The following SUPT3H variants were observed in gnomAD, a reference collection of about 807,000 sequenced individuals.
SUPT3H encodes SPT3 homolog, SAGA and STAGA complex component.
Under a neutral mutation model 44.3 loss-of-function variants are expected in SUPT3H, and 44 were observed. The ratio of observed to expected loss-of-function variants is 0.99; its 90% CI spans 0.78 to 1.28. The LOEUF (loss-of-function observed/expected upper bound fraction) is 1.28, where lower values mean the gene tolerates loss of function less well. SUPT3H is among the 50% of genes most tolerant of loss of function. SUPT3H has a pLI of 0.00. For missense variants in SUPT3H, 380 were observed against 387.1 expected, an observed-to-expected ratio of 0.98 and a Z score of 0.15; for synonymous variants, 124 against 125.6, an observed-to-expected ratio of 0.99 and a Z score of 0.09.
intron 11 of SUPT3H, among the ~76,000 whole-genome samples, chr6:44,814,969 G>T (rs1047647152): frequency 6.6e-6 from 1 of 151,928 alleles, no homozygotes; most frequent in South Asian, 2.1e-4. Context: ...GAGCCACCAC[G>T]CCCGGCCTCA....
At position 45,314,094 on chromosome 6, in the gene SUPT3H, C is replaced by G. The variant is rs550070199; in HGVS notation, c.101+51107G>C. Among the ~76,000 whole-genome samples, 80 of 152,182 alleles carry G rather than the reference C, an allele frequency of 5.3e-4. 1 individual carries two copies. In the South Asian group the frequency reaches 0.015, roughly 29 times the overall value. ...AAAGCATTCGACAAAATCCAGCATC[C>G]CTTTATGATCAAAACCCTCAGCAAA... On this transcript the variant is annotated intron_variant, in intron 2 of 10. Transcript: ENST00000371459.
intron 2 of SUPT3H, among the ~76,000 whole-genome samples, chr6:45,336,254 G>A (rs1788530463): frequency 6.6e-6 from 1 of 151,408 alleles, no homozygotes; most frequent in African/African-American, 2.4e-5. Flanking sequence ...TAAGGACAAT[G>A]AGTACTGTCA....
chr6:44,919,203 C>T (rs1450761361), intron 10 of SUPT3H, among the ~76,000 whole-genome samples: 1 of 152,122 alleles, frequency 6.6e-6, no homozygotes, highest in Non-Finnish European at 1.5e-5. Context: ...GAGACGATAG[C>T]TTCTCACAGA....
intron 2 of SUPT3H, among the ~76,000 whole-genome samples, chr6:45,261,429 G>A (rs776191552): frequency 2.6e-5 from 4 of 151,164 alleles, no homozygotes; most frequent in Non-Finnish European, 4.4e-5. Flanking sequence ...TACGCAAATC[G>A]ATAAATGTGA....
intron 10 of SUPT3H, among the ~76,000 whole-genome samples, chr6:44,879,948 T>A (rs938673662): frequency 6.6e-6 from 1 of 151,702 alleles, no homozygotes; most frequent in African/African-American, 2.4e-5. Flanking sequence ...AGACCAGAGG[T>A]AAATAAATCC....
chr6:44,992,690 A>C (rs2153499334), intron 6 of SUPT3H, among the ~76,000 whole-genome samples: 1 of 152,118 alleles, frequency 6.6e-6, no homozygotes, highest in South Asian at 2.1e-4. Context: ...AAAACTTTTA[A>C]ATTTCATCCA....
chr6:45,024,443 T>G (rs1244266797), intron 3 of SUPT3H, among the ~76,000 whole-genome samples: 1 of 152,172 alleles, frequency 6.6e-6, no homozygotes. Flanking sequence ...TCTACTATAA[T>G]CTCCCTTAAA....
At chr6:44,896,749 T>C (rs1407303982) in intron 10 of SUPT3H, among the ~76,000 whole-genome samples, 1 of 152,076 alleles carries the variant, frequency 6.6e-6, no homozygotes, top group Non-Finnish European at 1.5e-5. Flanking sequence ...GGTAGAAAAG[T>C]GGGAGAGTTG....
At chr6:44,845,231 T>A (rs1282358068) in intron 10 of SUPT3H, among the ~76,000 whole-genome samples, 1 of 152,118 alleles carries the variant, frequency 6.6e-6, no homozygotes, top group African/African-American at 2.4e-5. Flanking sequence ...GGGTAGAAAC[T>A]GAGTGGGAGA....
intron 2 of SUPT3H, among the ~76,000 whole-genome samples, chr6:45,320,851 T>A (rs1785375595): frequency 6.6e-6 from 1 of 152,182 alleles, no homozygotes; most frequent in Non-Finnish European, 1.5e-5. Flanking sequence ...TAAAGTGTAA[T>A]GTAGTAGTAT....
intron 10 of SUPT3H, among the ~76,000 whole-genome samples, chr6:44,902,398 C>T (rs1765229655): frequency 2.6e-5 from 4 of 152,092 alleles, no homozygotes; most frequent in Admixed American, 2.6e-4. Context: ...TCTGATAAAA[C>T]AGACTTTAAA....
At chr6:45,041,969 T>C (rs1291921243) in intron 3 of SUPT3H, among the ~76,000 whole-genome samples, 4 of 152,182 alleles carry the variant, frequency 2.6e-5, no homozygotes. Context: ...GAAGCATAAG[T>C]GTGCAGCACG....
intron 6 of SUPT3H, among the ~76,000 whole-genome samples, chr6:44,999,495 TG>T (rs1420445727): frequency 1.3e-5 from 2 of 152,048 alleles, no homozygotes; most frequent in African/African-American, 2.4e-5. Context: ...GAACATGTGC[TG>T]GTTGAAGGTG....
intron 3 of SUPT3H, among the ~76,000 whole-genome samples, chr6:45,034,710 A>G (rs1275354948): frequency 6.6e-6 from 1 of 152,224 alleles, no homozygotes; most frequent in African/African-American, 2.4e-5. Flanking sequence ...ATACAACATG[A>G]AATTTCTGAC....
At position 45,278,354 on chromosome 6, in the gene SUPT3H, T is replaced by C. The variant is rs1417259471; in HGVS notation, c.101+86847A>G. Among the ~76,000 whole-genome samples the C allele has an allele frequency of 7.9e-5, 12 of 152,266 alleles. No individual in the cohort carries two copies. In the East Asian group the frequency reaches 1.7e-3, roughly 22 times the overall value. On this transcript the variant is annotated intron_variant, in intron 2 of 10. Coordinates refer to ENST00000371459, the MANE Select transcript of SUPT3H (RefSeq NM_003599.4). The stretch of plus-strand genomic sequence containing the variant: ...GTCTACACAGGTCTTTTTCCAACTA[T>C]GGTACAAAACAAAAATCCTATAATG...
At chr6:45,195,220 G>A (rs1815816302) in intron 2 of SUPT3H, among the ~76,000 whole-genome samples, 1 of 152,070 alleles carries the variant, frequency 6.6e-6, no homozygotes, top group Admixed American at 6.6e-5. Flanking sequence ...CATAATAACT[G>A]GAACAGAGAA....
At chr6:44,922,855 C>A (rs1439846718) in intron 10 of SUPT3H, among the ~76,000 whole-genome samples, 5 of 152,048 alleles carry the variant, frequency 3.3e-5, no homozygotes, top group Admixed American at 6.5e-5. Context: ...AGAAATAGCT[C>A]AACTTAGTTT....
chr6:45,314,346 T>G (rs1271173213), intron 2 of SUPT3H, among the ~76,000 whole-genome samples: 1 of 152,102 alleles, frequency 6.6e-6, no homozygotes, highest in Non-Finnish European at 1.5e-5. Flanking sequence ...AAAGAGGAAG[T>G]CAGACTGTTG....
At chr6:45,316,180 G>C (rs749844480) in intron 2 of SUPT3H, among the ~76,000 whole-genome samples, 9 of 152,160 alleles carry the variant, frequency 5.9e-5, no homozygotes, top group Non-Finnish European at 1.3e-4. Flanking sequence ...GGGGAGAAGA[G>C]TGGGAGTGAA....
Sources: allele counts gnomAD v4.1 joint callset (sites outside exome capture counted in the v4.1 genomes callset), GRCh38; gene constraint gnomAD v4.1.1; transcripts MANE v1.5; gene names NCBI Gene and HGNC (gene_info 2026-07-23, HGNC 2026-07-21).